Variants in FGF12 observed in about 807,000 individuals in gnomAD.
The protein encoded by FGF12 is fibroblast growth factor 12B.
Under a neutral mutation model 23.6 loss-of-function variants are expected in FGF12, and 14 were observed. That is an observed-to-expected ratio of 0.59 (90% CI 0.39 to 0.93). The LOEUF is 0.93. Among genes scored for constraint, FGF12 ranks in the 40% least tolerant of loss-of-function variants. The pLI, the probability that FGF12 is intolerant of heterozygous loss-of-function variation, is 0.00. For synonymous variants in FGF12, 62 were observed against 77.3 expected, an observed-to-expected ratio of 0.80 and a Z score of 1.04; for missense variants, 175 against 217.8, an observed-to-expected ratio of 0.80 and a Z score of 1.24.
At chr3:192,519,400 A>G (rs1357289262) in intron 2 of FGF12, among the ~76,000 whole-genome samples, 1 of 152,202 alleles carries the variant, frequency 6.6e-6, no homozygotes, top group Non-Finnish European at 1.5e-5. Context: ...TCATTTGGCA[A>G]GAATGCCATA....
At chr3:192,174,046 A>G (rs1425762884) in intron 4 of FGF12, among the ~76,000 whole-genome samples, 5 of 152,188 alleles carry the variant, frequency 3.3e-5, no homozygotes, top group Non-Finnish European at 7.3e-5. Flanking sequence ...TTCCAATGCC[A>G]CACATTGCTT....
intron 4 of FGF12, among the ~76,000 whole-genome samples, chr3:192,327,050 G>A (rs551181754): frequency 3.3e-5 from 5 of 152,178 alleles, no homozygotes; most frequent in Admixed American, 2.0e-4. Context: ...GGTTGTGGAC[G>A]TGAAGACCTA....
chr3:192,169,971 T>C (rs60527859), intron 5 of FGF12, among the ~76,000 whole-genome samples: 10,942 of 148,992 alleles, frequency 0.073, 520 homozygotes, highest in African/African-American at 0.13. Flanking sequence ...AAAAGTATCA[T>C]TTGTTTTTCA....
At chr3:192,307,476 A>T (rs576616845) in intron 4 of FGF12, among the ~76,000 whole-genome samples, 1 of 152,344 alleles carries the variant, frequency 6.6e-6, no homozygotes, top group South Asian at 2.1e-4. Context: ...ACTTTTATCA[A>T]CTGAAAGTTA....
intron 2 of FGF12, among the ~76,000 whole-genome samples, chr3:192,379,629 A>T (rs1719732830): frequency 6.6e-6 from 1 of 152,256 alleles, no homozygotes; most frequent in Non-Finnish European, 1.5e-5. Context: ...GCGTGCACAC[A>T]CGCAATGCAT....
intron 4 of FGF12, among the ~76,000 whole-genome samples, chr3:192,173,661 A>T (rs2108623571): frequency 6.6e-6 from 1 of 152,280 alleles, no homozygotes; most frequent in East Asian, 1.9e-4. Flanking sequence ...CTAGTCCAAT[A>T]CTAGCAAACA....
intron 2 of FGF12, among the ~76,000 whole-genome samples, chr3:192,567,465 T>G (rs1399612190): frequency 6.6e-6 from 1 of 152,106 alleles, no homozygotes; most frequent in Non-Finnish European, 1.5e-5. Context: ...GAAATATGCC[T>G]GGGGGGAAAA....
chr3:192,468,940 TTTGA>T (rs1182318423), intron 2 of FGF12, among the ~76,000 whole-genome samples: 3 of 152,214 alleles, frequency 2.0e-5, no homozygotes, highest in South Asian at 4.1e-4. Flanking sequence ...CATTCATTTA[TTTGA>T]TTATTTATTT....
At chr3:192,554,600 G>GAT (rs1004286095) in intron 2 of FGF12, among the ~76,000 whole-genome samples, 1 of 152,064 alleles carries the variant, frequency 6.6e-6, no homozygotes, top group Non-Finnish European at 1.5e-5. Flanking sequence ...CATAAAAACT[G>GAT]ATATATATGG....
At chr3:192,334,538 A>G (rs986040021) in intron 4 of FGF12, among the ~76,000 whole-genome samples, 2 of 152,088 alleles carry the variant, frequency 1.3e-5, no homozygotes, top group African/African-American at 4.8e-5. Context: ...ATATACACAC[A>G]CACCCCATTC....
intron 2 of FGF12, among the ~76,000 whole-genome samples, chr3:192,489,155 C>T (rs1477594988): frequency 6.6e-6 from 1 of 151,996 alleles, no homozygotes; most frequent in East Asian, 1.9e-4. Flanking sequence ...AACTTTTAGA[C>T]ATATTATCTA....
At chr3:192,492,666 C>T (rs1310761876) in intron 2 of FGF12, among the ~76,000 whole-genome samples, 3 of 152,086 alleles carry the variant, frequency 2.0e-5, no homozygotes, top group Non-Finnish European at 4.4e-5. Flanking sequence ...ATTACTAGGA[C>T]AAAGCTTAAT....
intron 4 of FGF12, among the ~76,000 whole-genome samples, chr3:192,200,895 G>A (rs9836670): frequency 1.3e-5 from 2 of 150,992 alleles, no homozygotes; most frequent in South Asian, 2.1e-4. Flanking sequence ...GAAGAACCAG[G>A]CTTTTGTGTG....
chr3:192,158,349 T>C (rs1434130966), intron 5 of FGF12, among the ~76,000 whole-genome samples: 17 of 94,254 alleles, frequency 1.8e-4, no homozygotes, highest in Non-Finnish European at 2.7e-4. Flanking sequence ...TTTCTTTCTT[T>C]CTTTCTTTCT....
intron 2 of FGF12, among the ~76,000 whole-genome samples, chr3:192,594,389 A>G (rs1713752578): frequency 6.6e-6 from 1 of 152,000 alleles, no homozygotes; most frequent in East Asian, 1.9e-4. Context: ...TTAAAAGTAG[A>G]AGGTCTGCCA....
At chr3:192,695,481 C>T (rs1484043795) in intron 2 of FGF12, among the ~76,000 whole-genome samples, 1 of 152,170 alleles carries the variant, frequency 6.6e-6, no homozygotes, top group Non-Finnish European at 1.5e-5. Context: ...GAAGATATCA[C>T]TCATACCAGA....
At chr3:192,319,848 T>C (rs1716440426) in intron 4 of FGF12, among the ~76,000 whole-genome samples, 1 of 151,574 alleles carries the variant, frequency 6.6e-6, no homozygotes, top group East Asian at 1.9e-4. Context: ...ATACAACAGA[T>C]ACACACAAAA....
At chr3:192,210,638 C>T (rs574880544) in intron 4 of FGF12, among the ~76,000 whole-genome samples, 14 of 152,248 alleles carry the variant, frequency 9.2e-5, no homozygotes, top group African/African-American at 3.1e-4. Flanking sequence ...TGTTTGACCT[C>T]GGTATTTGTC....
intron 4 of FGF12, among the ~76,000 whole-genome samples, chr3:192,291,744 G>A (rs951639297): frequency 6.6e-5 from 10 of 152,020 alleles, no homozygotes; most frequent in African/African-American, 2.4e-4. Context: ...AAATAAGTAG[G>A]GGAAATAAAT....
Sources: gnomAD v4.1 joint callset for allele counts (sites outside exome capture counted in the v4.1 genomes callset) on GRCh38, gnomAD v4.1.1 for gene constraint, MANE v1.5 for transcripts, NCBI Gene and HGNC (gene_info 2026-07-23, HGNC 2026-07-21) for gene names.